COL6A1: variants seen among roughly 807,000 people sequenced by gnomAD.
The protein encoded by COL6A1 is collagen alpha-1(VI) chain.
Under a neutral mutation model 145.6 loss-of-function variants are expected in COL6A1, and 80 were observed. The observed-to-expected ratio is 0.55, with a 90% CI of 0.46 to 0.66. The LOEUF (loss-of-function observed/expected upper bound fraction) is 0.66. COL6A1 is among the 30% of genes least tolerant of loss of function. The pLI, the probability that COL6A1 is intolerant of heterozygous loss-of-function variation, is 0.00. For synonymous variants in COL6A1, 638 were observed against 622.8 expected, an observed-to-expected ratio of 1.02 and a Z score of -0.36; for missense variants, 1,364 against 1,473.8, an observed-to-expected ratio of 0.93 and a Z score of 1.22.
At chr21:46,000,018 A>AG (rs1486869192) in intron 27 of COL6A1, among the ~76,000 whole-genome samples, 1 of 5,714 alleles carries the variant, frequency 1.8e-4, no homozygotes, top group Non-Finnish European at 3.0e-4. Context: ...CGTGAGGATC[A>AG]TGGGGGACCC....
At chr21:46,000,907 G>T (rs1277698664) in intron 29 of COL6A1, 140 bp downstream of exon 29, 13 of 1,111,006 alleles carry the variant, frequency 1.2e-5, no homozygotes, top group Non-Finnish European at 1.6e-5. Context: ...CCCCCTCTGG[G>T]GCCTGCTCCA....
chr21:45,993,444 G>T (rs997689301), intron 19 of COL6A1, among the ~76,000 whole-genome samples: 6 of 152,348 alleles, frequency 3.9e-5, no homozygotes, highest in Non-Finnish European at 7.4e-5. Flanking sequence ...GGCGGGCAGA[G>T]TGAAGGGGAG....
At position 46,003,906 on chromosome 21, in the gene COL6A1, T is replaced by TACG; in HGVS notation, c.2984_2986dup (p.Asp995dup). On this transcript the variant is annotated inframe_insertion, in exon 35 of 35. Transcript: ENST00000361866. ...CCTGGTCACCGGCAAGACGGCCGAG[T>TACG]ACGACGTGGCCTACGGCGAGAGCCA... 6.2e-7 allele frequency: 1 copy of TACG among 1,604,030 alleles called. No homozygotes were observed. Among genetic ancestry groups the TACG allele is most frequent in the South Asian group, 1.1e-5 (1 of 90,552 alleles).
Position 46,002,691 on chromosome 21 carries a change from C to T in COL6A1, c.2415C>T (p.Val805=). 1 of 1,613,474 alleles carries T rather than the reference C, an allele frequency of 6.2e-7. No homozygotes were observed. Among genetic ancestry groups the T allele is most frequent in the South Asian group, 1.1e-5 (1 of 91,076 alleles). ...ELLEDAFLKN[V]TAQICIDKKC... ...TGGAGGATGCCTTCCTGAAGAATGT[C>T]ACCGCCCAGATCTGCATAGGTGCGC... The change falls in exon 33 of 35, where the codon GTC becomes GTT. Residue 805 remains valine (V), a synonymous_variant. Transcript: ENST00000361866.
intron 17 of COL6A1, 71 bp downstream of exon 17, chr21:45,992,288 T>C: frequency 1.9e-6 from 3 of 1,613,296 alleles, no homozygotes; most frequent in Non-Finnish European, 2.5e-6. Flanking sequence ...TTGCTCGGGG[T>C]CTACTCCACG....
chr21:45,986,518 C>A lies in COL6A1; in HGVS notation c.429-8C>A. The A allele has an allele frequency of 1.3e-6, 2 of 1,555,602 alleles. No homozygotes were observed. Among genetic ancestry groups the A allele is most frequent in the Non-Finnish European group, 1.7e-6 (2 of 1,149,716 alleles). ...TCTCGAGGTCTCACGCTGCCCTCTC[C>A]TGTCCAGGGGCTCCCACCTGAAGGA... On this transcript the variant is annotated splice_polypyrimidine_tract_variant and splice_region_variant and intron_variant, in intron 3 of 34. Coordinates refer to ENST00000361866, the MANE Select transcript of COL6A1 (RefSeq NM_001848.3).
chr21:46,001,381 G>C lies in COL6A1; in HGVS notation c.1951G>C (p.Val651Leu), dbSNP rs767358249. 6.2e-7 allele frequency: 1 copy of C among 1,611,234 alleles called. No homozygotes were observed. The highest frequency in any genetic ancestry group is 1.3e-5 in the African/African-American group (1 of 75,040). The part of the protein sequence containing the change: ...VIDRLSRDEL[V>L]KFEPGQSYAG... ...CGACCGGCTGAGCCGGGACGAGCTG[G>C]TCAAGGTGAGGCCTCGCCCCGCCCG... Residue 651 changes from valine (V) to leucine (L), a missense_variant, in exon 30 of 35, where the codon GTC becomes CTC. Coordinates refer to ENST00000361866, the MANE Select transcript of COL6A1 (RefSeq NM_001848.3).
chr21:45,999,252 G>C (rs1437334310), intron 26 of COL6A1, 34 bp downstream of exon 26: 1 of 1,557,426 alleles, frequency 6.4e-7, no homozygotes, highest in Non-Finnish European at 8.7e-7. Flanking sequence ...GCCACGGTGG[G>C]CTGTGCCTGG....
intron 18 of COL6A1, 86 bp downstream of exon 18, chr21:45,992,484 C>T (rs1269987710): frequency 3.4e-6 from 5 of 1,485,146 alleles, no homozygotes; most frequent in Middle Eastern, 1.9e-4. Context: ...GCCCTCCCAG[C>T]ACTGAGAGCC....
At chr21:45,998,328 G>A (rs1044427496) in intron 23 of COL6A1, 70 bp from the exon 24 acceptor site, 54 of 1,603,778 alleles carry the variant, frequency 3.4e-5, no homozygotes, top group Middle Eastern at 1.7e-4. Flanking sequence ...AGGCCCTTCC[G>A]CTGTGCGCCC....
chr21:45,998,214 G>A (rs886255796), intron 23 of COL6A1, 43 bp downstream of exon 23: 1 of 1,603,426 alleles, frequency 6.2e-7, no homozygotes, highest in South Asian at 1.1e-5. Context: ...TGCCCAAGCT[G>A]CCTGCGGCGC....
intron 20 of COL6A1, among the ~76,000 whole-genome samples, chr21:45,996,643 T>A (rs1168726545): frequency 6.6e-6 from 1 of 152,022 alleles, no homozygotes; most frequent in Non-Finnish European, 1.5e-5. Flanking sequence ...GTGGGCCAGG[T>A]GGGCCAGGTG....
rs1358806065 is a variant in COL6A1, at chr21:46,004,658, C to T, written c.*645C>T. The T allele has an allele frequency of 4.5e-6, 2 of 441,860 alleles. No individual in the cohort carries two copies. The highest frequency in any genetic ancestry group is 7.3e-5 in the East Asian group (1 of 13,714). The allele number at this position is 441,860 out of a possible 1,614,324, so 27.4% of individuals were successfully genotyped here. A position where few individuals can be genotyped will look rare whatever the true frequency, so the allele number is the denominator to read the frequency against. On this transcript the variant is annotated 3_prime_UTR_variant, in exon 35 of 35. Transcript: ENST00000361866. ...GCAGACATAAATCTCGGCGACTCGG[C>T]CCCGTCTCCTGAGGGTCCTGCTGGT...
intron 20 of COL6A1, 117 bp from the exon 21 acceptor site, chr21:45,997,304 G>C: frequency 1.1e-6 from 1 of 949,722 alleles, no homozygotes; most frequent in Non-Finnish European, 1.7e-6. Flanking sequence ...TGATGGGACT[G>C]GGGCCAGAGC....
chr21:45,983,076 C>T (rs910115016), intron 2 of COL6A1, among the ~76,000 whole-genome samples: 3 of 152,190 alleles, frequency 2.0e-5, no homozygotes, highest in Non-Finnish European at 4.4e-5. Context: ...GAGAGGCTCC[C>T]GCAGGCTGAC....
chr21:46,003,176 T>C (rs371530644), intron 34 of COL6A1, 27 bp downstream of exon 34: 2 of 1,613,718 alleles, frequency 1.2e-6, no homozygotes, highest in African/African-American at 2.7e-5. Flanking sequence ...CCGGGACACG[T>C]GGGGAGGAGG....
At position 45,982,628 on chromosome 21, in the gene COL6A1, G is replaced by C. The variant is rs886042599; in HGVS notation, c.98-6G>C. On this transcript the variant is annotated splice_polypyrimidine_tract_variant and splice_region_variant and intron_variant, in intron 1 of 34. Transcript: ENST00000361866. ...TTGAAGGCCCCTCTCCTCCATCTTC[G>C]GCCAGACTGCCCCGTGGACCTGTTC... is the stretch of plus-strand genomic sequence containing the variant. 4 of 1,612,768 alleles carry C rather than the reference G, an allele frequency of 2.5e-6. No homozygotes were observed. Among genetic ancestry groups the C allele is most frequent in the Non-Finnish European group, 3.4e-6 (4 of 1,179,932 alleles).
At chr21:45,988,542 G>T (rs1027779422) in intron 8 of COL6A1, among the ~76,000 whole-genome samples, 1 of 152,164 alleles carries the variant, frequency 6.6e-6, no homozygotes, top group East Asian at 1.9e-4. Context: ...TCCCGGGGGC[G>T]CTGGGGGCTT....
intron 3 of COL6A1, 31 bp from the exon 4 acceptor site, chr21:45,986,495 T>G: frequency 6.4e-7 from 1 of 1,550,752 alleles, no homozygotes; most frequent in Non-Finnish European, 8.7e-7. Flanking sequence ...CCACCTAGTC[T>G]CGAGGTCTCA....
Sources: allele counts gnomAD v4.1 joint callset (sites outside exome capture counted in the v4.1 genomes callset), GRCh38; gene constraint gnomAD v4.1.1; transcripts MANE v1.5; gene names NCBI Gene and HGNC (gene_info 2026-07-23, HGNC 2026-07-21).